Variants in RTN1 observed in about 807,000 individuals in gnomAD.
RTN1 encodes reticulon-1.
In RTN1, 25 loss-of-function variants were observed where a neutral mutation model predicts 65.5. The observed-to-expected ratio is 0.38, with a 90% confidence interval of 0.28 to 0.53. The LOEUF (loss-of-function observed/expected upper bound fraction) is 0.53. RTN1 is among the 20% of genes least tolerant of loss of function. The pLI, the probability that RTN1 is intolerant of heterozygous loss-of-function variation, is 0.79. For missense variants in RTN1, 983 were observed against 1,025.4 expected (o/e 0.96, Z 0.57); for synonymous variants, 471 against 447.6 (o/e 1.05, Z -0.66).
intron 1 of RTN1, among the ~76,000 whole-genome samples, chr14:59,761,950 A>G (rs1885756336): frequency 6.6e-6 from 1 of 152,192 alleles, no homozygotes; most frequent in African/African-American, 2.4e-5. Flanking sequence ...GCAAATGAGG[A>G]TGACAACTAA....
At chr14:59,771,268 A>T (rs995648514) in intron 1 of RTN1, among the ~76,000 whole-genome samples, 25 of 152,192 alleles carry the variant, frequency 1.6e-4, no homozygotes, top group Non-Finnish European at 2.1e-4. Context: ...CATGGAATCA[A>T]ATGAAATCTC....
intron 1 of RTN1, among the ~76,000 whole-genome samples, chr14:59,757,678 G>A (rs1885667489): frequency 1.3e-5 from 2 of 152,172 alleles, no homozygotes; most frequent in Admixed American, 1.3e-4. Context: ...AGGACGCAGA[G>A]AGGAGATGCC....
At chr14:59,705,545 C>T (rs755025813) in intron 3 of RTN1, among the ~76,000 whole-genome samples, 3 of 152,196 alleles carry the variant, frequency 2.0e-5, no homozygotes, top group East Asian at 1.9e-4. Context: ...ACAACTCAAC[C>T]TTTCTCCCTA....
chr14:59,848,102 G>A (rs554577183), intron 1 of RTN1, among the ~76,000 whole-genome samples: 107 of 152,236 alleles, frequency 7.0e-4, no homozygotes, highest in Admixed American at 1.1e-3. Flanking sequence ...TAGAGTTGAA[G>A]AGACCATAAA....
intron 3 of RTN1, among the ~76,000 whole-genome samples, chr14:59,670,024 T>G (rs1883469153): frequency 6.6e-6 from 1 of 152,206 alleles, no homozygotes; most frequent in Non-Finnish European, 1.5e-5. Context: ...ACTTTGAAAG[T>G]GTGCAACGAC....
chr14:59,863,956 GC>G (rs138291307), intron 1 of RTN1, among the ~76,000 whole-genome samples: 2,147 of 152,224 alleles, frequency 0.014, 49 homozygotes, highest in African/African-American at 0.049. Context: ...TCTGGTGCAA[GC>G]CACCATGATT....
intron 3 of RTN1, among the ~76,000 whole-genome samples, chr14:59,715,417 T>G (rs925664331): frequency 6.6e-6 from 1 of 152,214 alleles, no homozygotes. Flanking sequence ...GACTTATAAA[T>G]CATTCAAAGC....
chr14:59,762,887 A>G (rs557684838), intron 1 of RTN1, among the ~76,000 whole-genome samples: 2 of 152,346 alleles, frequency 1.3e-5, no homozygotes, highest in South Asian at 4.1e-4. Context: ...TTTGCCTTTT[A>G]ACAGAGTATG....
At chr14:59,787,721 G>GTGTC (rs1886276950) in intron 1 of RTN1, among the ~76,000 whole-genome samples, 1 of 152,142 alleles carries the variant, frequency 6.6e-6, no homozygotes, top group Non-Finnish European at 1.5e-5. Context: ...CAGGGCTGTT[G>GTGTC]TGTCTGGGGT....
At chr14:59,634,054 G>T (rs1261644764) in intron 3 of RTN1, among the ~76,000 whole-genome samples, 1 of 152,122 alleles carries the variant, frequency 6.6e-6, no homozygotes, top group East Asian at 1.9e-4. Context: ...AACCAAAAAG[G>T]TAAATATATA....
At chr14:59,720,960 T>C (rs1017756112) in intron 3 of RTN1, among the ~76,000 whole-genome samples, 1 of 151,862 alleles carries the variant, frequency 6.6e-6, no homozygotes, top group African/African-American at 2.4e-5. Context: ...GGTATATTAA[T>C]ACAGTCTCAT....
intron 3 of RTN1, among the ~76,000 whole-genome samples, chr14:59,646,785 G>GGCCGGGCGCGGTGGCT (rs1205405857): frequency 6.6e-6 from 1 of 151,966 alleles, no homozygotes; most frequent in African/African-American, 2.4e-5. Context: ...AAGAGATCTT[G>GGCCGGGCGCGGTGGCT]AACGAAGCAC....
Position 59,797,022 on chromosome 14 carries a change from G to A in RTN1, c.242-50541C>T, listed in dbSNP as rs74705693. On this transcript the variant is annotated intron_variant, in intron 1 of 8. Transcript: ENST00000267484. The stretch of plus-strand genomic sequence containing the variant: ...TCAATTGCAAATTATTATAATCTAT[G>A]AATAACTTAGTCAAATTCCAAGTGG... Among the ~76,000 whole-genome samples, 427 of 152,266 alleles carry A rather than the reference G, an allele frequency of 2.8e-3. 1 individual carries two copies. The highest frequency in any genetic ancestry group is 9.8e-3 in the African/African-American group (409 of 41,568).
chr14:59,660,400 T>C (rs899543684), intron 3 of RTN1, among the ~76,000 whole-genome samples: 13 of 152,182 alleles, frequency 8.5e-5, no homozygotes, highest in African/African-American at 3.1e-4. Context: ...CTAATAGATA[T>C]CTACAGAACT....
At chr14:59,626,006 T>G (rs191911846) in intron 3 of RTN1, among the ~76,000 whole-genome samples, 1 of 152,166 alleles carries the variant, frequency 6.6e-6, no homozygotes, top group African/African-American at 2.4e-5. Context: ...AGTCTGCAAT[T>G]GTTAATATTT....
intron 3 of RTN1, among the ~76,000 whole-genome samples, chr14:59,693,333 C>T (rs940935776): frequency 6.6e-5 from 10 of 152,100 alleles, no homozygotes; most frequent in South Asian, 2.1e-4. Flanking sequence ...AATAAGCCTC[C>T]TGGTTTTTAC....
intron 1 of RTN1, among the ~76,000 whole-genome samples, chr14:59,841,188 A>G (rs1331927252): frequency 1.3e-5 from 2 of 152,248 alleles, no homozygotes; most frequent in Non-Finnish European, 2.9e-5. Context: ...CATTAAGAAC[A>G]ATAGCTAAAA....
At chr14:59,744,644 A>G (rs1001151137) in intron 2 of RTN1, among the ~76,000 whole-genome samples, 1 of 152,206 alleles carries the variant, frequency 6.6e-6, no homozygotes, top group African/African-American at 2.4e-5. Context: ...TAAACTAGAG[A>G]TATAAAATGA....
At chr14:59,720,782 T>C (rs919029998) in intron 3 of RTN1, among the ~76,000 whole-genome samples, 1 of 151,572 alleles carries the variant, frequency 6.6e-6, no homozygotes, top group Admixed American at 6.6e-5. Context: ...AGTATTTCCA[T>C]GGCATAGCAC....
Sources: allele counts gnomAD v4.1 joint callset (sites outside exome capture counted in the v4.1 genomes callset), GRCh38; gene constraint gnomAD v4.1.1; transcripts MANE v1.5; gene names NCBI Gene and HGNC (gene_info 2026-07-23, HGNC 2026-07-21).